The following ZFYVE9 variants were observed in gnomAD, a reference collection of about 807,000 sequenced individuals.
ZFYVE9 encodes the protein zinc finger FYVE-type containing 9.
A neutral mutation model predicts 126.7 loss-of-function variants in ZFYVE9; 43 were observed. That is an observed-to-expected ratio of 0.34 (90% confidence interval 0.27 to 0.44). ZFYVE9 has a LOEUF of 0.44. Ranked by LOEUF, ZFYVE9 falls within the 20% of genes least tolerant of loss-of-function variation. The pLI is 1.00. For missense variants in ZFYVE9, 1,476 were observed against 1,697.0 expected (o/e 0.87, Z 2.29); for synonymous variants, 521 against 597.4 (o/e 0.87, Z 1.87).
In ZFYVE9 at chr1:52,281,768, A is replaced by G; in HGVS notation, c.2977A>G (p.Lys993Glu). The change falls in exon 10 of 19, where the codon AAG (lysine) becomes GAG (glutamate). Residue 993 changes from lysine to glutamate, a missense_variant. Lys to Glu is a moderately conservative substitution (Grantham distance 56). This residue lies in a region of ZFYVE9 where 669 missense variants were observed against 902.4 expected (regional missense o/e 0.74). Coordinates refer to ENST00000287727, the MANE Select transcript of ZFYVE9 (RefSeq NM_004799.4). ...TTTACCGGATGAAAAGTGTTTGCCA[A>G]AGGATATCTTTAATCACTTTGTGCA... ...QCLPDEKCLP[K>E]DIFNHFVQLY... is the part of the protein sequence containing the mutation. 6.2e-7 allele frequency: 1 copy of G among 1,614,190 alleles called. No individual in the cohort carries two copies. The highest frequency in any genetic ancestry group is 8.5e-7 in the Non-Finnish European group (1 of 1,180,022).
chr1:52,149,284 T>C (rs1644332881), intron 1 of ZFYVE9, among the ~76,000 whole-genome samples: 1 of 152,038 alleles, frequency 6.6e-6, no homozygotes, highest in African/African-American at 2.4e-5. Context: ...TTAGAAACAT[T>C]AGCAAGTAAT....
rs373096573 is a variant in ZFYVE9 at position 52,198,120 on chromosome 1, G to GTTTTTTTTTTTTTTTTTTTTTTTTT, written c.-142-18246_-142-18245insTTTTTTTTTTTTTTTTTTTTTTTTT. On this transcript the variant is annotated intron_variant, in intron 1 of 18. Coordinates refer to ENST00000287727, the MANE Select transcript of ZFYVE9 (RefSeq NM_004799.4). ...AAATAATATTGTAGTGTTTTTTTTT[G>GTTTTTTTTTTTTTTTTTTTTTTTTT]TTTGTTTTTTTTTTTTTTTGAGATG... 3.6e-5 allele frequency among the ~76,000 whole-genome samples: 4 copies of GTTTTTTTTTTTTTTTTTTTTTTTTT among 111,082 alleles called. 2 individuals carry two copies. Among genetic ancestry groups the GTTTTTTTTTTTTTTTTTTTTTTTTT allele is most frequent in the Non-Finnish European group, 3.4e-5 (2 of 58,416 alleles). 72.9% of individuals were successfully genotyped at this position (111,082 alleles called of 152,430 possible).
chr1:52,258,946 AT>A (rs1274573202), intron 4 of ZFYVE9, among the ~76,000 whole-genome samples: 1 of 150,510 alleles, frequency 6.6e-6, no homozygotes, highest in Non-Finnish European at 1.5e-5. Flanking sequence ...ATTATTTGAG[AT>A]TATTGTCCCA....
intron 4 of ZFYVE9, among the ~76,000 whole-genome samples, chr1:52,263,093 A>G (rs201161486): frequency 3.0e-4 from 45 of 150,836 alleles, no homozygotes; most frequent in East Asian, 9.9e-4. Flanking sequence ...AAAAAAAAAA[A>G]AAAAGAAAAG....
At chr1:52,146,027 CCACACACACA>C (rs1168051378) in intron 1 of ZFYVE9, among the ~76,000 whole-genome samples, 14 of 146,290 alleles carry the variant, frequency 9.6e-5, no homozygotes, top group Admixed American at 2.1e-4. Flanking sequence ...TCAAAAATAT[CCACACACACA>C]CACACACACA....
intron 12 of ZFYVE9, among the ~76,000 whole-genome samples, chr1:52,297,560 A>G (rs1474660800): frequency 2.0e-5 from 3 of 151,934 alleles, no homozygotes; most frequent in African/African-American, 7.3e-5. Flanking sequence ...TAATGTTAAT[A>G]TGCCTTTGAT....
intron 2 of ZFYVE9, among the ~76,000 whole-genome samples, chr1:52,219,188 G>A (rs1407165902): frequency 6.6e-6 from 1 of 152,124 alleles, no homozygotes; most frequent in Non-Finnish European, 1.5e-5. Flanking sequence ...CTTTTCTGAA[G>A]AAGCTAGCTG....
intron 2 of ZFYVE9, among the ~76,000 whole-genome samples, chr1:52,228,863 G>T (rs1482876576): frequency 6.7e-6 from 1 of 150,306 alleles, no homozygotes; most frequent in African/African-American, 2.4e-5. Context: ...TTAATATTTT[G>T]TCTGTTCTAG....
chr1:52,162,729 T>A, intron 1 of ZFYVE9: 1 of 300,290 alleles, frequency 3.3e-6, no homozygotes. Context: ...CATTGGAGAA[T>A]GACTTCGGCT....
intron 1 of ZFYVE9, among the ~76,000 whole-genome samples, chr1:52,191,915 T>A (rs993887343): frequency 6.6e-6 from 1 of 152,136 alleles, no homozygotes; most frequent in African/African-American, 2.4e-5. Flanking sequence ...AATGGACTTA[T>A]TGTTAAATAA....
intron 4 of ZFYVE9, among the ~76,000 whole-genome samples, chr1:52,254,821 C>T (rs771545969): frequency 3.3e-5 from 5 of 151,872 alleles, no homozygotes; most frequent in African/African-American, 7.3e-5. Context: ...TAAAAAATGG[C>T]GGGATGTGGT....
At position 52,332,871 on chromosome 1, in the gene ZFYVE9, G is replaced by C; in HGVS notation, c.3542G>C (p.Gly1181Ala). 1.2e-6 allele frequency: 2 copies of C among 1,614,098 alleles called. No individual in the cohort carries two copies. The highest frequency in any genetic ancestry group is 1.7e-6 in the Non-Finnish European group (2 of 1,180,006). ...CTTGTGTGTGTACAGAATGATGATG[G>C]AAACTATCAGACCCAGGCTATCAGT... Reference protein sequence around the residue: ...SHLVCVQNDDGNYQTQAISIH... With the variant: ...SHLVCVQNDDANYQTQAISIH... The change falls in exon 14 of 19, where the codon GGA becomes GCA. Residue 1181 changes from glycine (G) to alanine (A), a missense_variant. By Grantham distance (60) the Gly-to-Ala change is moderately conservative (BLOSUM62 0). Coordinates refer to ENST00000287727, the MANE Select transcript of ZFYVE9 (RefSeq NM_004799.4).
At chr1:52,284,732 T>A (rs1645841755) in intron 10 of ZFYVE9, among the ~76,000 whole-genome samples, 1 of 152,068 alleles carries the variant, frequency 6.6e-6, no homozygotes, top group Non-Finnish European at 1.5e-5. Flanking sequence ...GTTATTTTTT[T>A]AAAAAGGATA....
intron 1 of ZFYVE9, among the ~76,000 whole-genome samples, chr1:52,177,091 C>T (rs978320649): frequency 1.5e-4 from 23 of 152,144 alleles, no homozygotes; most frequent in Non-Finnish European, 2.1e-4. Context: ...GCGTCGCTCA[C>T]GCTGGGAGCT....
chr1:52,154,540 G>A (rs77447622), intron 1 of ZFYVE9, among the ~76,000 whole-genome samples: 2,857 of 152,170 alleles, frequency 0.019, 86 homozygotes, highest in African/African-American at 0.065. Flanking sequence ...TTCTGTATTG[G>A]ATACTTTCTG....
intron 1 of ZFYVE9, among the ~76,000 whole-genome samples, chr1:52,207,018 T>C (rs1644984892): frequency 6.6e-6 from 1 of 152,236 alleles, no homozygotes; most frequent in Non-Finnish European, 1.5e-5. Context: ...GGCAATCCGG[T>C]GTACTCAGTT....
intron 1 of ZFYVE9, among the ~76,000 whole-genome samples, chr1:52,175,360 C>G (rs1241614095): frequency 6.6e-6 from 1 of 151,738 alleles, no homozygotes; most frequent in East Asian, 1.9e-4. Flanking sequence ...CGTAGAGTTT[C>G]TGCCGAGAGA....
At chr1:52,253,751 A>G in intron 4 of ZFYVE9, 1 of 1,607,946 alleles carries the variant, frequency 6.2e-7, no homozygotes, top group Non-Finnish European at 8.5e-7. Flanking sequence ...GGAGTGGATC[A>G]GTTACGAGAT....
At chr1:52,174,635 G>T (rs1336500912) in intron 1 of ZFYVE9, among the ~76,000 whole-genome samples, 3 of 151,822 alleles carry the variant, frequency 2.0e-5, no homozygotes, top group African/African-American at 7.3e-5. Flanking sequence ...TTGTGTGGGA[G>T]TCTGAGTCTC....
Sources: allele counts gnomAD v4.1 joint callset (sites outside exome capture counted in the v4.1 genomes callset), GRCh38; gene constraint gnomAD v4.1.1; regional missense constraint gnomAD v4.1.1; transcripts MANE v1.5; gene names NCBI Gene and HGNC (gene_info 2026-07-23, HGNC 2026-07-21).